WDFY4: variants seen among roughly 807,000 people sequenced by gnomAD.
The protein encoded by WDFY4 is WD repeat- and FYVE domain-containing protein 4.
Under a neutral mutation model 351.9 loss-of-function variants are expected in WDFY4, and 169 were observed. That is an observed-to-expected ratio of 0.48 (90% confidence interval 0.42 to 0.55). WDFY4 has a LOEUF of 0.55. WDFY4 is among the 20% of genes least tolerant of loss of function. The probability of loss-of-function intolerance (pLI) is 0.00; values close to 1 mark genes in which losing one functional copy is unlikely to be tolerated. For missense variants in WDFY4, 3,803 were observed against 3,935.6 expected (o/e 0.97, Z 0.90); for synonymous variants, 1,622 against 1,574.6 (o/e 1.03, Z -0.71).
Position 48,787,906 on chromosome 10 carries a change from CTTCTT to C in WDFY4, c.3809-623_3809-619del, listed in dbSNP as rs1565198656. 1.7e-3 allele frequency among the ~76,000 whole-genome samples: 56 copies of C among 32,318 alleles called. 3 individuals carry two copies. The highest frequency in any genetic ancestry group is 8.8e-3 in the African/African-American group (53 of 6,008). The allele number at this position is 32,318 out of a possible 152,430, so 21.2% of individuals were successfully genotyped here. Reference sequence around the variant, plus strand: ...TCTTCTTCTTCTCCTTCTTCTTCTTCTTCTTCTTCTTCTTCTTCTTCTTCTTCTTC... The same window carrying C: ...TCTTCTTCTTCTCCTTCTTCTTCTTCCTTCTTCTTCTTCTTCTTCTTCTTC... On this transcript the variant is annotated intron_variant, in intron 20 of 61. Coordinates refer to ENST00000325239, the MANE Select transcript of WDFY4 (RefSeq NM_001394531.1).
At chr10:48,926,688 C>A (rs1360638043) in intron 47 of WDFY4, among the ~76,000 whole-genome samples, 1 of 152,066 alleles carries the variant, frequency 6.6e-6, no homozygotes, top group African/African-American at 2.4e-5. Context: ...GGGTATATTT[C>A]TAAATATATA....
Position 48,750,413 on chromosome 10 carries a change from C to G in WDFY4, c.2459+6865C>G, listed in dbSNP as rs145523049. On this transcript the variant is annotated intron_variant, in intron 12 of 61. Coordinates refer to ENST00000325239, the MANE Select transcript of WDFY4 (RefSeq NM_001394531.1). ...TGCAGCCATGCAGCCATGTTTCAGA[C>G]TCAGATTTCACATATGCCCTTTACT... Among the ~76,000 whole-genome samples, 537 of 152,342 alleles carry G rather than the reference C, an allele frequency of 3.5e-3. 3 individuals are homozygous for G. The highest frequency in any genetic ancestry group is 0.014 in the South Asian group (68 of 4,828).
intron 23 of WDFY4, among the ~76,000 whole-genome samples, chr10:48,791,223 A>T (rs2066668539): frequency 6.6e-6 from 1 of 152,234 alleles, no homozygotes; most frequent in African/African-American, 2.4e-5. Flanking sequence ...GGTGGCTGAG[A>T]GCCCAGGCTG....
At chr10:48,855,039 G>GA (rs1021672976) in intron 39 of WDFY4, among the ~76,000 whole-genome samples, 10 of 151,566 alleles carry the variant, frequency 6.6e-5, no homozygotes, top group African/African-American at 2.4e-4. Flanking sequence ...CAGCAATATT[G>GA]AAAAAAATTG....
chr10:48,688,622 A>G (rs1391818807), intron 1 of WDFY4, among the ~76,000 whole-genome samples: 1 of 152,186 alleles, frequency 6.6e-6, no homozygotes, highest in Non-Finnish European at 1.5e-5. Context: ...TCAAAATGCA[A>G]GCATTTTAAA....
rs113103284 is a variant in WDFY4, at chr10:48,975,876, G to T, written c.9108+835G>T. ...TGAATAGGTGGATGGAAAGATGGAT[G>T]AAATGGATAATGGATTGGTAGATGG... On this transcript the variant is annotated intron_variant, in intron 58 of 61. Transcript: ENST00000325239. Among the ~76,000 whole-genome samples the T allele has an allele frequency of 8.6e-3, 1,309 of 152,276 alleles. 19 individuals carry two copies. Among genetic ancestry groups the T allele is most frequent in the African/African-American group, 0.03 (1,245 of 41,552 alleles).
chr10:48,886,109 A>T (rs2070446385), intron 43 of WDFY4, among the ~76,000 whole-genome samples: 1 of 152,184 alleles, frequency 6.6e-6, no homozygotes, highest in Admixed American at 6.5e-5. Flanking sequence ...AACGTAAGGG[A>T]ATGCATATAT....
At chr10:48,949,045 C>T (rs1233947143) in intron 51 of WDFY4, among the ~76,000 whole-genome samples, 1 of 152,212 alleles carries the variant, frequency 6.6e-6, no homozygotes, top group African/African-American at 2.4e-5. Context: ...ATGGTCTAAA[C>T]CCATGTGAGA....
intron 37 of WDFY4, among the ~76,000 whole-genome samples, chr10:48,829,451 A>G (rs1016203450): frequency 1.1e-4 from 17 of 152,190 alleles, no homozygotes; most frequent in African/African-American, 3.9e-4. Context: ...TATGTGTTTG[A>G]GAGATTATGC....
chr10:48,939,586 A>AATGATGG (rs1840641237), intron 47 of WDFY4, among the ~76,000 whole-genome samples: 1 of 152,228 alleles, frequency 6.6e-6, no homozygotes, highest in African/African-American at 2.4e-5. Context: ...CTTACATGAT[A>AATGATGG]ATGATGGATG....
chr10:48,888,199 C>T (rs1368544606), intron 43 of WDFY4, among the ~76,000 whole-genome samples: 1 of 152,158 alleles, frequency 6.6e-6, no homozygotes, highest in African/African-American at 2.4e-5. Context: ...CACAGTTACT[C>T]AAGTCCCAAA....
At chr10:48,835,115 C>G (rs1232159976) in intron 39 of WDFY4, among the ~76,000 whole-genome samples, 1 of 152,224 alleles carries the variant, frequency 6.6e-6, no homozygotes, top group Non-Finnish European at 1.5e-5. Context: ...GTACCCTGCT[C>G]TCAGCATTGA....
intron 12 of WDFY4, among the ~76,000 whole-genome samples, chr10:48,755,921 A>C (rs531469012): frequency 1.3e-5 from 2 of 152,220 alleles, no homozygotes; most frequent in East Asian, 3.9e-4. Context: ...TATGTTCATT[A>C]GGGATACTGA....
In WDFY4 at chr10:48,811,723, C is replaced by T. The variant is rs1048050195; in HGVS notation, c.5214+15C>T. ...ACGGGCCCAAAGTAGGTTTTCAGAG[C>T]ACCCACAGGGTGACACACTTGGTTT... On this transcript the variant is annotated intron_variant, in intron 30 of 61. Coordinates refer to ENST00000325239, the MANE Select transcript of WDFY4 (RefSeq NM_001394531.1). The T allele has an allele frequency of 1.7e-5, 27 of 1,550,888 alleles. No individual in the cohort carries two copies. In the East Asian group the frequency reaches 4.2e-4, roughly 24 times the overall value.
intron 47 of WDFY4, among the ~76,000 whole-genome samples, chr10:48,930,122 T>G (rs1404637461): frequency 6.6e-6 from 1 of 152,160 alleles, no homozygotes; most frequent in Non-Finnish European, 1.5e-5. Context: ...GTTTAATAGA[T>G]ACAGTCTAAG....
chr10:48,820,680 G>A (rs952543257), intron 33 of WDFY4, among the ~76,000 whole-genome samples: 5 of 152,164 alleles, frequency 3.3e-5, no homozygotes, highest in African/African-American at 9.7e-5. Context: ...GGTTGGAGGC[G>A]GTGTTCTCAG....
chr10:48,900,100 G>C (rs2671693), intron 45 of WDFY4, 121 bp from the exon 46 acceptor site: 779,816 of 782,530 alleles, frequency 1, 388,605 homozygotes, highest in East Asian at 1. Flanking sequence ...TCAAAAGGAC[G>C]ACCCAGGAAG....
chr10:48,695,703 A>T (rs746311545), intron 1 of WDFY4, among the ~76,000 whole-genome samples: 26 of 151,958 alleles, frequency 1.7e-4, no homozygotes, highest in Non-Finnish European at 2.8e-4. Context: ...GAGGCTCACC[A>T]CCTTTCCACA....
At chr10:48,790,631 C>G in intron 22 of WDFY4, 96 bp from the exon 23 acceptor site, 1 of 1,370,400 alleles carries the variant, frequency 7.3e-7, no homozygotes, top group South Asian at 1.4e-5. Context: ...TGGATGGTGG[C>G]ACTGGTAGCT....
Sources: gnomAD v4.1 joint callset for allele counts (sites outside exome capture counted in the v4.1 genomes callset) on GRCh38, gnomAD v4.1.1 for gene constraint, MANE v1.5 for transcripts, NCBI Gene and HGNC (gene_info 2026-07-23, HGNC 2026-07-21) for gene names.